RPL26L1: variants seen among roughly 807,000 people sequenced by gnomAD.
RPL26L1 encodes the protein ribosomal protein L26 like 1.
A neutral mutation model predicts 15.2 loss-of-function variants in RPL26L1; 8 were observed. That is an observed-to-expected ratio of 0.53 (90% CI 0.31 to 0.95). The LOEUF is 0.95. RPL26L1 is among the 40% of genes least tolerant of loss of function. The probability of loss-of-function intolerance (pLI) is 0.05; values close to 1 mark genes in which losing one functional copy is unlikely to be tolerated. For missense variants in RPL26L1, 146 were observed against 190.9 expected (o/e 0.76, Z 1.39); for synonymous variants, 51 against 65.9 (o/e 0.77, Z 1.09).
chr5:172,958,622 G>C (rs1310117347), upstream of RPL26L1: 1 of 314,978 alleles, frequency 3.2e-6, no homozygotes, highest in African/African-American at 2.2e-5. Flanking sequence ...TCACAGCTCC[G>C]TCGGGACCAG....
rs555103141 is a variant in RPL26L1, at chr5:172,963,267, G to A, written c.168+3226G>A. Among the ~76,000 whole-genome samples the A allele has an allele frequency of 2.6e-5, 4 of 151,984 alleles. No homozygotes were observed. In the East Asian group the frequency reaches 5.8e-4, roughly 22 times the overall value. ...CACACACCTGTAATCCCAAGTACTC[G>A]GGAGGCTGAGGCAGGGGAATCGCTT... On this transcript the variant is annotated intron_variant, in intron 2 of 3. Coordinates refer to ENST00000265100, the MANE Select transcript of RPL26L1 (RefSeq NM_016093.4).
chr5:172,964,287 T>C (rs1363177679), intron 2 of RPL26L1, among the ~76,000 whole-genome samples: 1 of 134,762 alleles, frequency 7.4e-6, no homozygotes, highest in East Asian at 2.1e-4. Context: ...TTGCCTTTTT[T>C]TTTTTTTTTT....
At chr5:172,959,590 T>A in intron 1 of RPL26L1, 122 bp downstream of exon 1, 1 of 1,222,460 alleles carries the variant, frequency 8.2e-7, no homozygotes, top group East Asian at 4.6e-5. Context: ...CGACCACCCA[T>A]TCCTGCCTAA....
intron 2 of RPL26L1, among the ~76,000 whole-genome samples, chr5:172,961,230 G>A (rs937797731): frequency 1.3e-5 from 2 of 152,158 alleles, no homozygotes; most frequent in African/African-American, 4.8e-5. Flanking sequence ...AGGAAGAGTG[G>A]AAAGAGTAGT....
At chr5:172,966,373 G>A (rs577751533) in intron 2 of RPL26L1, among the ~76,000 whole-genome samples, 68 of 121,632 alleles carry the variant, frequency 5.6e-4, no homozygotes, top group African/African-American at 2.0e-3. Context: ...TGTTGCCTCG[G>A]CTGGTCTCCA....
At chr5:172,967,871 GTA>G (rs1369926345) in intron 2 of RPL26L1, among the ~76,000 whole-genome samples, 1 of 151,444 alleles carries the variant, frequency 6.6e-6, no homozygotes, top group Non-Finnish European at 1.5e-5. Flanking sequence ...ATATGTGTAT[GTA>G]TATGATACGT....
upstream of RPL26L1, chr5:172,957,320 T>C (rs1234367374): frequency 2.2e-6 from 1 of 455,032 alleles, no homozygotes; most frequent in Non-Finnish European, 4.4e-6. Flanking sequence ...ACACAGCATG[T>C]TAAAAACAAA....
chr5:172,967,809 A>G (rs543028885), intron 2 of RPL26L1, among the ~76,000 whole-genome samples: 206 of 151,144 alleles, frequency 1.4e-3, no homozygotes, highest in Non-Finnish European at 2.7e-3. Context: ...TATATATGAC[A>G]TATAAGTACA....
At chr5:172,968,653 C>A (rs2113554859) in intron 3 of RPL26L1, 54 bp downstream of exon 3, 1 of 1,609,262 alleles carries the variant, frequency 6.2e-7, no homozygotes, top group South Asian at 1.1e-5. Context: ...CAATACTGTT[C>A]AAAGTTATTG....
chr5:172,965,009 T>A (rs1012482641), intron 2 of RPL26L1, among the ~76,000 whole-genome samples: 1 of 152,136 alleles, frequency 6.6e-6, no homozygotes. Context: ...CATGGCGAAA[T>A]TCCGTCTGCA....
chr5:172,958,137 A>G (rs1328096044), upstream of RPL26L1: 5 of 323,568 alleles, frequency 1.5e-5, no homozygotes, highest in Admixed American at 3.9e-5. Context: ...GGTGGCGCAT[A>G]CCTGTAATCC....
At chr5:172,962,724 G>A (rs557136615) in intron 2 of RPL26L1, among the ~76,000 whole-genome samples, 1 of 149,330 alleles carries the variant, frequency 6.7e-6, no homozygotes, top group East Asian at 2.0e-4. Context: ...GCTGAGGCAG[G>A]AGAATGGCGT....
rs560672160 is a variant in RPL26L1 at position 172,968,459 on chromosome 5, G to A, written c.169G>A (p.Val57Ile). 24 of 1,613,284 alleles carry A rather than the reference G, an allele frequency of 1.5e-5. No homozygotes were observed. The highest frequency in any genetic ancestry group is 2.0e-5 in the Non-Finnish European group (24 of 1,179,772). Reference sequence around the variant, plus strand: ...GATTCTCTTTTGTATTTTCTCTTAGGTAGTTCGAGGACACTACAAAGGTCA... The same window carrying A: ...GATTCTCTTTTGTATTTTCTCTTAGATAGTTCGAGGACACTACAAAGGTCA... ...MPIRKDDEVQ[V>I]VRGHYKGQQI... Residue 57 changes from valine (V) to isoleucine (I), a missense_variant and splice_region_variant, in exon 3 of 4, where the codon GTA becomes ATA. Physicochemically the swap from Val to Ile is conservative, Grantham distance 29 (BLOSUM62 3). Coordinates refer to ENST00000265100, the MANE Select transcript of RPL26L1 (RefSeq NM_016093.4).
chr5:172,969,262 T>C (rs1755592273), intron 3 of RPL26L1, 151 bp from the exon 4 acceptor site: 1 of 700,812 alleles, frequency 1.4e-6, no homozygotes, highest in African/African-American at 1.8e-5. Context: ...TGTGTTCCTA[T>C]TTTGTATTGT....
At chr5:172,958,921 A>G (rs1755098449), upstream of RPL26L1, 1 of 154,482 alleles carries the variant, frequency 6.5e-6, no homozygotes, top group Non-Finnish European at 1.4e-5. Context: ...TTAGTCCCAG[A>G]GATAGAAAAA....
chr5:172,966,879 C>T (rs1158130310), intron 2 of RPL26L1, among the ~76,000 whole-genome samples: 1 of 149,710 alleles, frequency 6.7e-6, no homozygotes, highest in African/African-American at 2.5e-5. Context: ...TTTTTTGAGG[C>T]GGTGTCTCGC....
At chr5:172,965,246 G>A (rs1197211850) in intron 2 of RPL26L1, among the ~76,000 whole-genome samples, 1 of 151,968 alleles carries the variant, frequency 6.6e-6, no homozygotes, top group African/African-American at 2.4e-5. Flanking sequence ...GCCACTGGGT[G>A]CTGCTCCATT....
upstream of RPL26L1, chr5:172,958,000 C>T (rs1755032612): frequency 8.6e-6 from 2 of 231,698 alleles, no homozygotes; most frequent in African/African-American, 2.3e-5. Flanking sequence ...CGCAGTGGCT[C>T]ACGCCTGTAA....
At chr5:172,955,177 G>A (rs1764330140), upstream of RPL26L1, 2 of 358,438 alleles carry the variant, frequency 5.6e-6, no homozygotes, top group South Asian at 4.3e-5. Flanking sequence ...TGCCCAGGCT[G>A]GAGTGCAATG....
Sources: gnomAD v4.1 joint callset for allele counts (sites outside exome capture counted in the v4.1 genomes callset) on GRCh38, gnomAD v4.1.1 for gene constraint, MANE v1.5 for transcripts, NCBI Gene and HGNC (gene_info 2026-07-23, HGNC 2026-07-21) for gene names.